The following ZNF280B variants were observed in gnomAD, a reference collection of about 807,000 sequenced individuals.
ZNF280B encodes zinc finger protein 280B.
A neutral mutation model predicts 38.0 loss-of-function variants in ZNF280B; 16 were observed. The observed-to-expected ratio is 0.42, with a 90% CI of 0.28 to 0.64. The LOEUF (loss-of-function observed/expected upper bound fraction) is 0.64, where lower values mean the gene tolerates loss of function less well. ZNF280B is among the 30% of genes least tolerant of loss of function. ZNF280B has a pLI of 0.21. For synonymous variants in ZNF280B, 253 were observed against 230.6 expected, an observed-to-expected ratio of 1.10 and a Z score of -0.88; for missense variants, 581 against 639.6, an observed-to-expected ratio of 0.91 and a Z score of 0.99.
At chr22:22,506,849 G>C (rs903213669) in intron 2 of ZNF280B, among the ~76,000 whole-genome samples, 1 of 151,954 alleles carries the variant, frequency 6.6e-6, no homozygotes, top group Non-Finnish European at 1.5e-5. Flanking sequence ...TTAAATGGTG[G>C]ATAAATGGTT....
chr22:22,489,073 G>A lies in ZNF280B; in HGVS notation c.326C>T (p.Ser109Leu), dbSNP rs778987063. ...VTVLPASQLE[S>L]RSTDSPIIIE... is the part of the protein sequence containing the mutation. ...AATAATAGGACTATCTGTTGATCTC[G>A]ATTCAAGTTGGGAAGCTGGCAGGAC... is the stretch of plus-strand genomic sequence containing the variant. The change falls in exon 4 of 4, where the codon TCG becomes TTG. Residue 109 changes from serine (S) to leucine (L), a missense_variant. Physicochemically the swap from Ser to Leu is moderately radical, Grantham distance 145 (BLOSUM62 -2). Coordinates refer to ENST00000626650, the MANE Select transcript of ZNF280B (RefSeq NM_080764.4). 20 of 1,613,720 alleles carry A rather than the reference G, an allele frequency of 1.2e-5. No individual in the cohort carries two copies. The highest frequency in any genetic ancestry group is 4.0e-5 in the African/African-American group (3 of 74,842).
chr22:22,493,605 C>G (rs2061639314), intron 3 of ZNF280B, among the ~76,000 whole-genome samples: 1 of 151,942 alleles, frequency 6.6e-6, no homozygotes, highest in Admixed American at 6.6e-5. Flanking sequence ...TTTTAAATAA[C>G]TTTTAGAGCA....
At chr22:22,490,081 T>G (rs1039043218) in intron 3 of ZNF280B, among the ~76,000 whole-genome samples, 11 of 151,922 alleles carry the variant, frequency 7.2e-5, no homozygotes, top group Non-Finnish European at 1.6e-4. Context: ...TACCTACACA[T>G]AACCAACAAA....
chr22:22,490,752 G>A (rs1203338413), intron 3 of ZNF280B, among the ~76,000 whole-genome samples: 1 of 151,930 alleles, frequency 6.6e-6, no homozygotes. Flanking sequence ...ACAGGGGTGA[G>A]GAACTGCACC....
At position 22,488,854 on chromosome 22, in the gene ZNF280B, C is replaced by T; in HGVS notation, c.545G>A (p.Ser182Asn). The part of the protein sequence containing the change: ...SKQLSTFEVN[S>N]INPKRAKLRD... The stretch of plus-strand genomic sequence containing the variant: ...GAGTTTAGCCCTTTTGGGATTTATG[C>T]TGTTTACTTCGAAAGTGGAAAGTTG... Residue 182 changes from serine to asparagine, a missense_variant, in exon 4 of 4, where the codon AGC becomes AAC. Physicochemically the swap from Ser to Asn is conservative, Grantham distance 46. Transcript: ENST00000626650. 6.2e-7 allele frequency: 1 copy of T among 1,613,768 alleles called. No homozygotes were observed. The highest frequency in any genetic ancestry group is 8.5e-7 in the Non-Finnish European group (1 of 1,179,962).
chr22:22,489,098 C>T lies in ZNF280B; in HGVS notation c.301G>A (p.Val101Ile), dbSNP rs149784014. 5.6e-6 allele frequency: 9 copies of T among 1,613,852 alleles called. No individual in the cohort carries two copies. The African/African-American group carries it at 6.7e-5, about 12-fold the overall frequency. The change falls in exon 4 of 4, where the codon GTC (valine) becomes ATC (isoleucine). Residue 101 changes from valine to isoleucine, a missense_variant. By Grantham distance (29) the Val-to-Ile change is conservative. Transcript: ENST00000626650. ...HETVTSEAVTVLPASQLESRS... is the reference protein window; with the variant it reads ...HETVTSEAVTILPASQLESRS... ...GATTCAAGTTGGGAAGCTGGCAGGACGGTCACTGCTTCTGATGTAACGGTC... is the reference window on the plus strand; with the variant it reads ...GATTCAAGTTGGGAAGCTGGCAGGATGGTCACTGCTTCTGATGTAACGGTC...
Position 22,487,884 on chromosome 22 carries a change from C to T in ZNF280B, c.1515G>A (p.Val505=), listed in dbSNP as rs1241947442. ...LPPETKVTIQ[V]SLEPLQPGSV... is the part of the protein sequence containing the mutation. ...ATCCTGGCTGAAGAGGTTCCAGCGA[C>T]ACTTGAATAGTAACTTTTGTTTCAG... The change falls in exon 4 of 4, where the codon GTG becomes GTA. Residue 505 remains valine (V), a synonymous_variant. Coordinates refer to ENST00000626650, the MANE Select transcript of ZNF280B (RefSeq NM_080764.4). 6.2e-7 allele frequency: 1 copy of T among 1,613,824 alleles called. No individual in the cohort carries two copies. Among genetic ancestry groups the T allele is most frequent in the Admixed American group, 1.7e-5 (1 of 59,970 alleles).
chr22:22,491,457 CTTTT>C (rs55720546), intron 3 of ZNF280B, among the ~76,000 whole-genome samples: 20 of 113,962 alleles, frequency 1.8e-4, no homozygotes, highest in Admixed American at 3.1e-4. Context: ...TGTCTTTTTT[CTTTT>C]TTTTTTTTTT....
rs750154394 is a variant in ZNF280B, at chr22:22,489,255, C to T, written c.144G>A (p.Gly48=). The T allele has an allele frequency of 6.2e-7, 1 of 1,613,658 alleles. No individual in the cohort carries two copies. Among genetic ancestry groups the T allele is most frequent in the Non-Finnish European group, 8.5e-7 (1 of 1,179,938 alleles). ...VNEDAELIFV[G]VTSNSKPVVS... ...CGACTGGTTTTGAATTTGAAGTCAC[C>T]CCAACAAAGATTAGCTCAGCATCTT... Residue 48 remains glycine, a synonymous_variant, in exon 4 of 4, where the codon GGG becomes GGA. Transcript: ENST00000626650.
At position 22,489,357 on chromosome 22, in the gene ZNF280B, C is replaced by G; in HGVS notation, c.42G>C (p.Gln14His). The G allele has an allele frequency of 6.2e-7, 1 of 1,612,502 alleles. No homozygotes were observed. Among genetic ancestry groups the G allele is most frequent in the East Asian group, 2.2e-5 (1 of 44,782 alleles). The change falls in exon 4 of 4, where the codon CAG (glutamine) becomes CAC (histidine). Residue 14 changes from glutamine (Q) to histidine (H), a missense_variant. Gln to His is a conservative substitution (Grantham distance 24). Transcript: ENST00000626650. ...CTTGTTTGGTTTCTTGTATGTTCTT[C>G]TGTGGTTCAGGCTCTTTCTCTTCCT... is the stretch of plus-strand genomic sequence containing the variant. ...SCEEEKEPEP[Q>H]KNIQETKQVD...
At position 22,488,460 on chromosome 22, in the gene ZNF280B, C is replaced by G. The variant is rs747584998; in HGVS notation, c.939G>C (p.Val313=). Reference sequence around the variant, plus strand: ...TAAACTTAACATTTTTTAGAACTTTCACGCAGCTGAGGCATTTAAAGGTGG... The same window carrying G: ...TAAACTTAACATTTTTTAGAACTTTGACGCAGCTGAGGCATTTAAAGGTGG... The part of the protein sequence containing the change: ...THTTFKCLSC[V]KVLKNVKFMN... Residue 313 remains valine, a synonymous_variant, in exon 4 of 4, where the codon GTG becomes GTC. Coordinates refer to ENST00000626650, the MANE Select transcript of ZNF280B (RefSeq NM_080764.4). The G allele has an allele frequency of 5.6e-6, 9 of 1,613,752 alleles. No homozygotes were observed. The highest frequency in any genetic ancestry group is 1.3e-5 in the African/African-American group (1 of 74,842).
At chr22:22,503,769 T>C (rs1194033847) in intron 2 of ZNF280B, among the ~76,000 whole-genome samples, 1 of 151,986 alleles carries the variant, frequency 6.6e-6, no homozygotes, top group Non-Finnish European at 1.5e-5. Context: ...CTTCAATCTT[T>C]AATAAGTCCT....
Position 22,488,454 on chromosome 22 carries a change from A to G in ZNF280B, c.945T>C (p.Val315=). Residue 315 remains valine (V), a synonymous_variant, in exon 4 of 4, where the codon GTT becomes GTC. Transcript: ENST00000626650. ...GATTCATAAACTTAACATTTTTTAG[A>G]ACTTTCACGCAGCTGAGGCATTTAA... The part of the protein sequence containing the change: ...TTFKCLSCVK[V]LKNVKFMNHV... The G allele has an allele frequency of 1.9e-6, 3 of 1,613,904 alleles. No homozygotes were observed. Among genetic ancestry groups the G allele is most frequent in the Non-Finnish European group, 1.7e-6 (2 of 1,179,972 alleles).
chr22:22,501,035 A>AAAAAAAAAC (rs2061810962), intron 2 of ZNF280B, among the ~76,000 whole-genome samples: 9 of 140,366 alleles, frequency 6.4e-5, no homozygotes, highest in African/African-American at 2.2e-4. Context: ...AAAAAAAAAA[A>AAAAAAAAAC]AAAAAACAAA....
At chr22:22,501,019 C>CAAAAAAAAAAAAAAAAAAAAAAAA (rs56907724) in intron 2 of ZNF280B, among the ~76,000 whole-genome samples, 5 of 60,266 alleles carry the variant, frequency 8.3e-5, no homozygotes, top group Non-Finnish European at 1.0e-4. Context: ...GACTCCGTCT[C>CAAAAAAAAAAAAAAAAAAAAAAAA]AAAAAAAAAA....
intron 2 of ZNF280B, among the ~76,000 whole-genome samples, chr22:22,503,929 G>GA (rs145496733): frequency 0.042 from 6,417 of 151,934 alleles, 194 homozygotes; most frequent in Middle Eastern, 0.1. Flanking sequence ...AGCTCCCAGG[G>GA]AAAAAACCCC....
At position 22,487,653 on chromosome 22, in the gene ZNF280B, C is replaced by T. The variant is rs2061520016; in HGVS notation, c.*114G>A. On this transcript the variant is annotated 3_prime_UTR_variant, in exon 4 of 4. Transcript: ENST00000626650. ...TCTTGTTTAAAAAGTCATATATAAT[C>T]CACTAGTTTCACTATTTTTGGTGCT... 26 of 783,406 alleles carry T rather than the reference C, an allele frequency of 3.3e-5. No homozygotes were observed. In the South Asian group the frequency reaches 4.8e-4, roughly 14 times the overall value. The allele number at this position is 783,406 out of a possible 1,614,324, so 48.5% of individuals were successfully genotyped here.
intron 3 of ZNF280B, among the ~76,000 whole-genome samples, chr22:22,492,547 A>G (rs1359747882): frequency 6.6e-6 from 1 of 151,934 alleles, no homozygotes; most frequent in Non-Finnish European, 1.5e-5. Flanking sequence ...ATTTCCAGTA[A>G]CTACCTTCTA....
Position 22,484,597 on chromosome 22 carries a change from CA to C in ZNF280B, c.*3169del, listed in dbSNP as rs1456178253. The stretch of plus-strand genomic sequence containing the variant: ...ATATTCAATATATTTGTAAACAAAA[CA>C]AAGTGACATTGCCTTAAAAATATAT... On this transcript the variant is annotated 3_prime_UTR_variant, in exon 4 of 4. Transcript: ENST00000626650. 1 of 152,164 alleles carries C rather than the reference CA, an allele frequency of 6.6e-6. No individual in the cohort carries two copies. Among genetic ancestry groups the C allele is most frequent in the Non-Finnish European group, 1.5e-5 (1 of 67,966 alleles). 9.4% of individuals were successfully genotyped at this position (152,164 alleles called of 1,614,324 possible). A position where few individuals can be genotyped will look rare whatever the true frequency, so the allele number is the denominator to read the frequency against.
Sources: allele counts gnomAD v4.1 joint callset (sites outside exome capture counted in the v4.1 genomes callset), GRCh38; gene constraint gnomAD v4.1.1; transcripts MANE v1.5; gene names NCBI Gene and HGNC (gene_info 2026-07-23, HGNC 2026-07-21).